RBSN: variants seen among roughly 807,000 people sequenced by gnomAD.
RBSN encodes rabenosyn-5.
A neutral mutation model predicts 60.5 loss-of-function variants in RBSN; 34 were observed. The observed-to-expected ratio is 0.56, with a 90% CI of 0.43 to 0.75. The LOEUF is 0.75. Among genes scored for constraint, RBSN ranks in the 30% least tolerant of loss-of-function variants. The pLI is 0.00. For missense variants in RBSN, 845 were observed against 986.8 expected (o/e 0.86, Z 1.92); for synonymous variants, 322 against 366.9 (o/e 0.88, Z 1.40).
At chr3:15,081,034 G>A (rs2043193054) in intron 9 of RBSN, 2 of 498,610 alleles carry the variant, frequency 4.0e-6, no homozygotes, top group Non-Finnish European at 7.2e-6. Flanking sequence ...TTTTTTTTGA[G>A]AAGGAATTTT....
rs1169092605 is a variant in RBSN at position 15,082,546 on chromosome 3, T to C, written c.661A>G (p.Asn221Asp). 6.2e-7 allele frequency: 1 copy of C among 1,614,042 alleles called. No individual in the cohort carries two copies. The highest frequency in any genetic ancestry group is 1.7e-5 in the Admixed American group (1 of 60,004). ...CCTCGGCGGGAGCCATGGACACTGT[T>C]GGGTGACTGGCTGGGGCTGGTGTGG... is the stretch of plus-strand genomic sequence containing the variant. ...STHTSPSQSP[N>D]SVHGSRRGSI... The change falls in exon 9 of 14, where the codon AAC becomes GAC. Residue 221 changes from asparagine to aspartate, a missense_variant. Asn to Asp is a conservative substitution (Grantham distance 23, BLOSUM62 1). Transcript: ENST00000253699. The surrounding 1 kb of genome is among the most constrained non-coding windows in gnomAD (Gnocchi z 4.2).
At chr3:15,075,416 C>T (rs2043028987) in intron 13 of RBSN, 190 bp downstream of exon 13, 1 of 690,862 alleles carries the variant, frequency 1.4e-6, no homozygotes, top group Non-Finnish European at 2.6e-6. Flanking sequence ...GAAAAATAGG[C>T]CCTGGGGAGA....
intron 4 of RBSN, chr3:15,095,624 C>G: frequency 2.4e-6 from 1 of 418,296 alleles, no homozygotes; most frequent in Non-Finnish European, 4.2e-6. Context: ...AAAGAAATTC[C>G]TCTCCAAACC....
rs1383187504 is a variant in RBSN at position 15,095,238 on chromosome 3, G to T, written c.148+735C>A. On this transcript the variant is annotated intron_variant, in intron 4 of 13. Coordinates refer to ENST00000253699, the MANE Select transcript of RBSN (RefSeq NM_022340.4). ...GGGGTTTCGCCATGTTGCCCAGGCT[G>T]GTCTTGAACTCCTGAGCTCAAGTGA... Among the ~76,000 whole-genome samples the T allele has an allele frequency of 5.3e-5, 8 of 151,528 alleles. No homozygotes were observed. The East Asian group carries it at 1.6e-3, about 30-fold the overall frequency.
In RBSN at chr3:15,077,131, G is replaced by C. The variant is rs200729473; in HGVS notation, c.1032C>G (p.Asp344Glu). 2 of 1,614,038 alleles carry C rather than the reference G, an allele frequency of 1.2e-6. No homozygotes were observed. The highest frequency in any genetic ancestry group is 1.7e-6 in the Non-Finnish European group (2 of 1,179,976). ...GCAAATTGCTTGGATGTGGTGGAGG[G>C]TCCTGGTTCAAGCCCAAGGTTAAGA... ...KKILTLGLNQDPPPHPSNLRL... is the reference protein window; with the variant it reads ...KKILTLGLNQEPPPHPSNLRL... The change falls in exon 12 of 14, where the codon GAC becomes GAG. Residue 344 changes from aspartate (D) to glutamate (E), a missense_variant. Asp to Glu is a conservative substitution (Grantham distance 45, BLOSUM62 2). Coordinates refer to ENST00000253699, the MANE Select transcript of RBSN (RefSeq NM_022340.4). This position sits in a 1 kb window ranked among gnomAD's most constrained non-coding sequence, Gnocchi z 4.4.
At position 15,074,373 on chromosome 3, in the gene RBSN, G is replaced by A. The variant is rs892853303; in HGVS notation, c.1764C>T (p.Thr588=). 5 of 1,613,998 alleles carry A rather than the reference G, an allele frequency of 3.1e-6. No homozygotes were observed. In the African/African-American group the frequency reaches 6.7e-5, roughly 22 times the overall value. The change falls in exon 14 of 14, where the codon ACC becomes ACT. Residue 588 remains threonine (T), a synonymous_variant. Transcript: ENST00000253699. This position sits in a 1 kb window ranked among gnomAD's most constrained non-coding sequence, Gnocchi z 6.4. Reference sequence around the variant, plus strand: ...TGGGTTGAGTTGAGCTAAGTGAAGGGGTCTTGGGAGCTGTGCTGCTTGGAA... The same window carrying A: ...TGGGTTGAGTTGAGCTAAGTGAAGGAGTCTTGGGAGCTGTGCTGCTTGGAA... ...SPVPSSTAPK[T]PSLSSTQPTR... is the part of the protein sequence containing the mutation.
intron 4 of RBSN, among the ~76,000 whole-genome samples, chr3:15,093,419 TCTTTC>T (rs2043569178): frequency 2.0e-5 from 3 of 152,306 alleles, no homozygotes; most frequent in African/African-American, 7.2e-5. Context: ...GAGGATCTTT[TCTTTC>T]TTTTTTTTGA....
chr3:15,085,565 G>C (rs1196520370), intron 6 of RBSN, among the ~76,000 whole-genome samples: 1 of 152,130 alleles, frequency 6.6e-6, no homozygotes, highest in East Asian at 1.9e-4. Flanking sequence ...TTGTGCCTGG[G>C]ACACCCAAAA....
chr3:15,085,067 C>T, intron 6 of RBSN, 22 bp from the exon 7 acceptor site: 2 of 1,613,884 alleles, frequency 1.2e-6, no homozygotes, highest in Non-Finnish European at 1.7e-6. Context: ...AAAATAGTGC[C>T]AAATGAAATT....
chr3:15,089,845 G>A (rs945097289), intron 5 of RBSN, among the ~76,000 whole-genome samples: 3 of 152,088 alleles, frequency 2.0e-5, no homozygotes, highest in African/African-American at 7.2e-5. Context: ...TGATCTGCCC[G>A]CCTCGGCCTC....
intron 10 of RBSN, among the ~76,000 whole-genome samples, chr3:15,078,821 T>TATATATAC (rs2043132405): frequency 8.9e-6 from 1 of 112,910 alleles, no homozygotes; most frequent in African/African-American, 3.2e-5. Context: ...TATATATATA[T>TATATATAC]ATACATGGTT....
At position 15,086,123 on chromosome 3, in the gene RBSN, C is replaced by T. The variant is rs2043334432; in HGVS notation, c.290-162G>A. 9.2e-5 allele frequency: 46 copies of T among 502,308 alleles called. 1 individual carries two copies. The South Asian group carries it at 9.5e-4, about 10-fold the overall frequency. 31.1% of individuals were successfully genotyped at this position (502,308 alleles called of 1,614,324 possible). A position where few individuals can be genotyped will look rare whatever the true frequency, so the allele number is the denominator to read the frequency against. ...AAAAAAAAAAAAAAAAATAGTCAGGCATGGGTATGTACGCCTATAATCCCA... is the reference window on the plus strand; with the variant it reads ...AAAAAAAAAAAAAAAAATAGTCAGGTATGGGTATGTACGCCTATAATCCCA... On this transcript the variant is annotated intron_variant, in intron 5 of 13. Coordinates refer to ENST00000253699, the MANE Select transcript of RBSN (RefSeq NM_022340.4).
intron 13 of RBSN, chr3:15,075,296 G>A (rs2043026060): frequency 1.6e-6 from 1 of 617,474 alleles, no homozygotes; most frequent in African/African-American, 1.8e-5. Context: ...ATACCGATAT[G>A]TTCTACAAGG....
chr3:15,082,499 A>C lies in RBSN; in HGVS notation c.708T>G (p.Ser236Arg). The C allele has an allele frequency of 1.2e-6, 2 of 1,614,092 alleles. No homozygotes were observed. Among genetic ancestry groups the C allele is most frequent in the Non-Finnish European group, 1.7e-6 (2 of 1,179,992 alleles). The change falls in exon 9 of 14, where the codon AGT becomes AGG. Residue 236 changes from serine to arginine, a missense_variant. Transcript: ENST00000253699. The surrounding 1 kb of genome is among the most constrained non-coding windows in gnomAD (Gnocchi z 4.2). ...CCTTCTCATCCAGGACCGAGCTGAC[A>C]CTGCTCATGCTGCTGATGCTGCCTC... is the stretch of plus-strand genomic sequence containing the variant. ...SRRGSISSMSSVSSVLDEKDD... is the reference protein window; with the variant it reads ...SRRGSISSMSRVSSVLDEKDD...
At chr3:15,075,873 T>C (rs541877114) in intron 12 of RBSN, among the ~76,000 whole-genome samples, 163 bp from the exon 13 acceptor site, 90 of 152,200 alleles carry the variant, frequency 5.9e-4, no homozygotes, top group Non-Finnish European at 1.2e-3. Context: ...GGTGAGACAG[T>C]CAACTCCAAA....
rs1323371993 is a variant in RBSN, at chr3:15,070,640, C to T, written c.*3142G>A. ...CCATCTCTGTAACTCCAACTTTGTG[C>T]CTGCATGAATTCTGCGACATGGTAC... On this transcript the variant is annotated 3_prime_UTR_variant, in exon 14 of 14. Coordinates refer to ENST00000253699, the MANE Select transcript of RBSN (RefSeq NM_022340.4). 2 of 152,584 alleles carry T rather than the reference C, an allele frequency of 1.3e-5. No homozygotes were observed. The highest frequency in any genetic ancestry group is 1.3e-4 in the Admixed American group (2 of 15,268). The allele number at this position is 152,584 out of a possible 1,614,324, so 9.5% of individuals were successfully genotyped here.
intron 3 of RBSN, 73 bp from the exon 4 acceptor site, chr3:15,096,361 T>G (rs1034060422): frequency 2.0e-4 from 84 of 425,614 alleles, no homozygotes; most frequent in African/African-American, 1.6e-3. Context: ...TTCTTCATTC[T>G]TTTCACAGTT....
At chr3:15,091,216 A>AAAAAAC in intron 4 of RBSN, 1 of 169,494 alleles carries the variant, frequency 5.9e-6, no homozygotes, top group Non-Finnish European at 9.2e-6. Context: ...GTCTCAAAAA[A>AAAAAAC]AAAAAAAAAA....
At chr3:15,092,796 G>GT (rs1191101947) in intron 4 of RBSN, among the ~76,000 whole-genome samples, 1 of 152,166 alleles carries the variant, frequency 6.6e-6, no homozygotes, top group East Asian at 1.9e-4. Flanking sequence ...GAGTTAGCAA[G>GT]TAACAATTCA....
Sources: gnomAD v4.1 joint callset for allele counts (sites outside exome capture counted in the v4.1 genomes callset) on GRCh38, gnomAD v4.1.1 for gene constraint, Gnocchi (gnomAD v3.1) non-coding constraint, MANE v1.5 for transcripts, NCBI Gene and HGNC (gene_info 2026-07-23, HGNC 2026-07-21) for gene names.